Variants in ELAVL2 observed in about 807,000 individuals in gnomAD.
ELAVL2 encodes the protein ELAV-like protein 2.
A neutral mutation model predicts 34.6 loss-of-function variants in ELAVL2; 4 were observed. That is an observed-to-expected ratio of 0.12 (90% confidence interval 0.06 to 0.26). The LOEUF is 0.26. Ranked by LOEUF, ELAVL2 falls within the 10% of genes least tolerant of loss-of-function variation. ELAVL2 has a pLI of 1.00. For missense variants in ELAVL2, 432 were observed against 442.8 expected (o/e 0.98, Z 0.22); for synonymous variants, 193 against 154.8 (o/e 1.25, Z -1.83).
chr9:23,771,978 T>C (rs773750967), intron 1 of ELAVL2, among the ~76,000 whole-genome samples: 56 of 152,288 alleles, frequency 3.7e-4, no homozygotes, highest in Non-Finnish European at 4.6e-4. Context: ...TTAATTTCCA[T>C]GCCATTATTT....
At chr9:23,726,833 G>A (rs1223102155) in intron 3 of ELAVL2, among the ~76,000 whole-genome samples, 1 of 151,830 alleles carries the variant, frequency 6.6e-6, no homozygotes, top group East Asian at 1.9e-4. Flanking sequence ...CAATACTTAA[G>A]ACCCCTAAAA....
At chr9:23,742,674 T>C (rs1298193975) in intron 2 of ELAVL2, among the ~76,000 whole-genome samples, 1 of 152,168 alleles carries the variant, frequency 6.6e-6, no homozygotes, top group African/African-American at 2.4e-5. Flanking sequence ...AGAGCAGAAT[T>C]AAATTAGAGG....
chr9:23,783,761 GAGA>G (rs1271286908), intron 1 of ELAVL2, among the ~76,000 whole-genome samples: 5 of 151,946 alleles, frequency 3.3e-5, no homozygotes, highest in Non-Finnish European at 7.4e-5. Flanking sequence ...TGGTAAGTGT[GAGA>G]AGGAGAGATT....
upstream of ELAVL2, among the ~76,000 whole-genome samples, chr9:23,829,028 T>G (rs1472880572): frequency 6.6e-6 from 1 of 152,170 alleles, no homozygotes; most frequent in East Asian, 1.9e-4. Flanking sequence ...CCCTTTTCAC[T>G]CATAGTTTGG....
intron 2 of ELAVL2, among the ~76,000 whole-genome samples, chr9:23,752,042 A>G (rs538272931): frequency 6.6e-6 from 1 of 152,316 alleles, no homozygotes; most frequent in Admixed American, 6.5e-5. Context: ...ACAAACTCCA[A>G]GAAATCTAGG....
chr9:23,750,136 T>C (rs906670114), intron 2 of ELAVL2, among the ~76,000 whole-genome samples: 2 of 151,998 alleles, frequency 1.3e-5, no homozygotes, highest in African/African-American at 4.8e-5. Flanking sequence ...AAATATATTG[T>C]TTTCTATAAG....
upstream of ELAVL2, among the ~76,000 whole-genome samples, chr9:23,830,623 C>CACACACACACACACACA (rs1005897669): frequency 6.8e-6 from 1 of 147,464 alleles, no homozygotes; most frequent in Non-Finnish European, 1.5e-5. Flanking sequence ...CACACACACA[C>CACACACACACACACACA]ACCTTTTTTT....
intron 5 of ELAVL2, among the ~76,000 whole-genome samples, chr9:23,698,289 T>TGGA (rs1202256784): frequency 6.6e-6 from 1 of 152,226 alleles, no homozygotes; most frequent in Non-Finnish European, 1.5e-5. Context: ...AAATAAGGCT[T>TGGA]GTCCTATTTT....
At chr9:23,814,113 A>C (rs1430372189) in intron 1 of ELAVL2, among the ~76,000 whole-genome samples, 1 of 152,170 alleles carries the variant, frequency 6.6e-6, no homozygotes, top group Non-Finnish European at 1.5e-5. Flanking sequence ...CAACTATTTA[A>C]AACACAGTTC....
intron 1 of ELAVL2, among the ~76,000 whole-genome samples, chr9:23,823,714 T>TA (rs1423620361): frequency 6.6e-6 from 1 of 152,242 alleles, no homozygotes; most frequent in Non-Finnish European, 1.5e-5. Context: ...AAGGAAGTCT[T>TA]AAGGCCCAAA....
At chr9:23,783,439 T>G (rs2059319074) in intron 1 of ELAVL2, 1 of 985,156 alleles carries the variant, frequency 1.0e-6, no homozygotes, top group South Asian at 4.7e-5. Flanking sequence ...CTGGTACAAT[T>G]CTGCACAACT....
intron 1 of ELAVL2, among the ~76,000 whole-genome samples, chr9:23,814,161 C>A (rs139511069): frequency 6.6e-6 from 1 of 152,174 alleles, no homozygotes; most frequent in Non-Finnish European, 1.5e-5. Flanking sequence ...ATGAAGCTCA[C>A]GGATCACCCT....
At chr9:23,771,124 G>A (rs35013427) in intron 1 of ELAVL2, among the ~76,000 whole-genome samples, 4,643 of 152,324 alleles carry the variant, frequency 0.03, 85 homozygotes, top group East Asian at 0.07. Context: ...GACCAGTCAA[G>A]AAGCAACTGC....
chr9:23,824,916 G>A (rs2065198368), intron 1 of ELAVL2, among the ~76,000 whole-genome samples: 1 of 152,114 alleles, frequency 6.6e-6, no homozygotes. Context: ...CCTCGCGGCT[G>A]CAGAGGGGTT....
chr9:23,706,201 C>T (rs988534121), intron 3 of ELAVL2, among the ~76,000 whole-genome samples: 5 of 152,128 alleles, frequency 3.3e-5, no homozygotes, highest in African/African-American at 1.2e-4. Context: ...CTTTGAGATA[C>T]GGTATACCAA....
intron 3 of ELAVL2, among the ~76,000 whole-genome samples, chr9:23,719,302 G>A (rs543885969): frequency 2.0e-5 from 3 of 152,190 alleles, no homozygotes; most frequent in East Asian, 1.9e-4. Context: ...TATCCCCTTT[G>A]CCACTTGGCA....
upstream of ELAVL2, among the ~76,000 whole-genome samples, chr9:23,831,210 G>T (rs995627509): frequency 6.6e-6 from 1 of 152,114 alleles, no homozygotes. Flanking sequence ...TGCGATGCAC[G>T]TCTAATTTGA....
Position 23,698,899 on chromosome 9 carries a change from G to A in ELAVL2, c.713+2480C>T, listed in dbSNP as rs565828706. On this transcript the variant is annotated intron_variant, in intron 5 of 6. Transcript: ENST00000397312. ...ACACTATCTCTGAGCACACTAACTC[G>A]TTCATATTTTATTATCTGGACAGGG... is the stretch of plus-strand genomic sequence containing the variant. Among the ~76,000 whole-genome samples the A allele has an allele frequency of 4.6e-5, 7 of 152,174 alleles. No individual in the cohort carries two copies. In the South Asian group the frequency reaches 1.0e-3, roughly 23 times the overall value.
chr9:23,710,101 TAGACA>T (rs2040528827), intron 3 of ELAVL2, among the ~76,000 whole-genome samples: 1 of 152,184 alleles, frequency 6.6e-6, no homozygotes, highest in Non-Finnish European at 1.5e-5. Context: ...AAGACTAGAC[TAGACA>T]AAATAAAGAT....
Sources: gnomAD v4.1 joint callset for allele counts (sites outside exome capture counted in the v4.1 genomes callset) on GRCh38, gnomAD v4.1.1 for gene constraint, MANE v1.5 for transcripts, NCBI Gene and HGNC (gene_info 2026-07-23, HGNC 2026-07-21) for gene names.